BMP2K: variants seen among roughly 807,000 people sequenced by gnomAD.
BMP2K encodes BMP2 inducible kinase, also known as BMP-2-inducible protein kinase.
Under a neutral mutation model 116.0 loss-of-function variants are expected in BMP2K, and 74 were observed. That is an observed-to-expected ratio of 0.64 (90% CI 0.53 to 0.77). The LOEUF (loss-of-function observed/expected upper bound fraction) is 0.77, where lower values mean the gene tolerates loss of function less well. Ranked by LOEUF, BMP2K falls within the 30% of genes least tolerant of loss-of-function variation. The pLI, the probability that BMP2K is intolerant of heterozygous loss-of-function variation, is 0.00. For synonymous variants in BMP2K, 486 were observed against 502.5 expected, an observed-to-expected ratio of 0.97 and a Z score of 0.44; for missense variants, 1,365 against 1,403.6, an observed-to-expected ratio of 0.97 and a Z score of 0.44.
intron 8 of BMP2K, 107 bp from the exon 9 acceptor site, chr4:78,861,282 T>C: frequency 1.3e-6 from 1 of 751,580 alleles, no homozygotes; most frequent in Non-Finnish European, 2.1e-6. Flanking sequence ...AAAGTAATAG[T>C]GTCTCATAGT....
At chr4:78,869,286 A>ATT (rs200543814) in intron 10 of BMP2K, among the ~76,000 whole-genome samples, 4 of 147,366 alleles carry the variant, frequency 2.7e-5, no homozygotes, top group African/African-American at 9.9e-5. Flanking sequence ...CCCCTTTGTG[A>ATT]TTTTTTTTTT....
intron 15 of BMP2K, among the ~76,000 whole-genome samples, chr4:78,905,818 T>C (rs1734254768): frequency 6.6e-6 from 1 of 152,028 alleles, no homozygotes; most frequent in Non-Finnish European, 1.5e-5. Flanking sequence ...TGAAATTTTT[T>C]TTTTTAAATT....
At chr4:78,806,365 G>A (rs1180932844) in intron 1 of BMP2K, among the ~76,000 whole-genome samples, 2 of 151,866 alleles carry the variant, frequency 1.3e-5, no homozygotes, top group African/African-American at 4.8e-5. Context: ...TTTTGTAGAG[G>A]TAGAGTCTTG....
intron 1 of BMP2K, among the ~76,000 whole-genome samples, chr4:78,822,554 C>T (rs1729672253): frequency 6.7e-6 from 1 of 149,248 alleles, no homozygotes; most frequent in Non-Finnish European, 1.5e-5. Flanking sequence ...TCAATTTCAT[C>T]AGATCAATAT....
intron 15 of BMP2K, among the ~76,000 whole-genome samples, chr4:78,887,748 T>C (rs1297455253): frequency 6.6e-6 from 1 of 152,208 alleles, no homozygotes; most frequent in Non-Finnish European, 1.5e-5. Context: ...TGTTTTTCAC[T>C]GTTAAAAATT....
At chr4:78,910,383 G>A (rs1388452274) in intron 15 of BMP2K, among the ~76,000 whole-genome samples, 2 of 152,194 alleles carry the variant, frequency 1.3e-5, no homozygotes, top group Non-Finnish European at 1.5e-5. Flanking sequence ...GAGGCAGGGT[G>A]TAGGGTCCAG....
intron 3 of BMP2K, among the ~76,000 whole-genome samples, chr4:78,837,601 T>G (rs1474886402): frequency 1.3e-5 from 2 of 152,222 alleles, no homozygotes; most frequent in South Asian, 2.1e-4. Flanking sequence ...CTGCAAATCT[T>G]TTGTTGTCTG....
chr4:78,810,868 G>A (rs1396925351), intron 1 of BMP2K, among the ~76,000 whole-genome samples: 2 of 152,130 alleles, frequency 1.3e-5, no homozygotes, highest in South Asian at 2.1e-4. Flanking sequence ...TTGTGAAAAA[G>A]TTGATTTTGA....
chr4:78,903,834 G>T (rs1734143239), intron 15 of BMP2K, among the ~76,000 whole-genome samples: 1 of 151,858 alleles, frequency 6.6e-6, no homozygotes, highest in Admixed American at 6.6e-5. Flanking sequence ...TTTGTATTTT[G>T]TAGTGTGTTG....
intron 1 of BMP2K, among the ~76,000 whole-genome samples, chr4:78,809,768 G>A (rs911414737): frequency 6.7e-6 from 1 of 149,678 alleles, no homozygotes; most frequent in Non-Finnish European, 1.5e-5. Context: ...CCTTACTTTA[G>A]TTCTTTAGAC....
At chr4:78,865,752 A>G (rs777494083) in intron 10 of BMP2K, 32 bp downstream of exon 10, 3 of 1,604,446 alleles carry the variant, frequency 1.9e-6, no homozygotes, top group Non-Finnish European at 2.6e-6. Context: ...CATCCTCTTA[A>G]AGGTTAATGT....
intron 1 of BMP2K, among the ~76,000 whole-genome samples, chr4:78,790,665 A>G (rs1727952764): frequency 6.6e-6 from 1 of 152,190 alleles, no homozygotes; most frequent in Non-Finnish European, 1.5e-5. Flanking sequence ...AAGTAACACC[A>G]TCATTATCAA....
intron 2 of BMP2K, among the ~76,000 whole-genome samples, chr4:78,826,957 A>C (rs1295087173): frequency 2.0e-5 from 3 of 152,210 alleles, no homozygotes; most frequent in Admixed American, 6.5e-5. Context: ...TACCCTGAAG[A>C]TATGAGTTTG....
rs1560560627 is a variant in BMP2K, at chr4:78,911,397, TGAG to T, written c.2853_2855del (p.Glu951del). 6.2e-7 allele frequency: 1 copy of T among 1,614,008 alleles called. No homozygotes were observed. The highest frequency in any genetic ancestry group is 8.5e-7 in the Non-Finnish European group (1 of 1,179,888). ...CATCAACAAGTAAAAGTGAAAGCAA[TGAG>T]GACCTTTTTGGGCTTGTGCCCTTTG... On this transcript the variant is annotated inframe_deletion, in exon 16 of 16. Transcript: ENST00000502613.
chr4:78,851,215 C>G (rs937312179), intron 7 of BMP2K, among the ~76,000 whole-genome samples, 159 bp downstream of exon 7: 2 of 151,878 alleles, frequency 1.3e-5, no homozygotes, highest in Admixed American at 1.3e-4. Flanking sequence ...TAAAAACTTA[C>G]ATAAGAATGA....
chr4:78,861,139 G>A (rs886196472), intron 8 of BMP2K, among the ~76,000 whole-genome samples: 3 of 151,856 alleles, frequency 2.0e-5, no homozygotes, highest in African/African-American at 7.2e-5. Context: ...AATGGATACA[G>A]TGGTGTTCTT....
intron 6 of BMP2K, among the ~76,000 whole-genome samples, chr4:78,850,517 T>C (rs1027525079): frequency 6.6e-6 from 1 of 151,954 alleles, no homozygotes; most frequent in Non-Finnish European, 1.5e-5. Flanking sequence ...CTAATTCATA[T>C]TTGGAATCCC....
chr4:78,872,742 T>C lies in BMP2K; in HGVS notation c.1737T>C (p.Thr579=), dbSNP rs17003476. 3.2e-3 allele frequency: 5,180 copies of C among 1,614,116 alleles called. 137 individuals are homozygous for C. The African/African-American group carries it at 0.058, about 18-fold the overall frequency. The change falls in exon 13 of 16, where the codon ACT becomes ACC. Residue 579 remains threonine (T), a synonymous_variant. Transcript: ENST00000502613. The part of the protein sequence containing the change: ...QEFSPALVSY[T]SSLPAQVGTI... ...TCTCACCAGCCTTAGTTTCCTACAC[T>C]TCATCACTTCCAGCTCAGGTTGGAA...
chr4:78,857,092 C>G (rs575472882), intron 7 of BMP2K, among the ~76,000 whole-genome samples: 116 of 152,206 alleles, frequency 7.6e-4, no homozygotes, highest in Non-Finnish European at 1.1e-3. Context: ...TAGTTATGAC[C>G]TGGTATACAC....
Sources: gnomAD v4.1 joint callset for allele counts (sites outside exome capture counted in the v4.1 genomes callset) on GRCh38, gnomAD v4.1.1 for gene constraint, MANE v1.5 for transcripts, NCBI Gene and HGNC (gene_info 2026-07-23, HGNC 2026-07-21) for gene names.